TSPAN1: variants seen among roughly 807,000 people sequenced by gnomAD.
TSPAN1 encodes tetraspanin-1.
In TSPAN1, 23 loss-of-function variants were observed where a neutral mutation model predicts 26.9. The ratio of observed to expected loss-of-function variants is 0.85; its 90% CI spans 0.62 to 1.21. The LOEUF is 1.21. Among genes scored for constraint, TSPAN1 ranks in the 50% most tolerant of loss-of-function variants. The pLI is 0.00. For missense variants in TSPAN1, 283 were observed against 298.4 expected (o/e 0.95, Z 0.38); for synonymous variants, 115 against 114.8 (o/e 1.00, Z -0.01).
Position 46,185,283 on chromosome 1 carries a change from TGGC to T in TSPAN1, c.654_656del (p.Ala220del). ...ACTAATGCAGTCACCGTGGGTGGTG[TGGC>T]AGCTGGAATTGGGGGCCTCGAGGTA... On this transcript the variant is annotated inframe_deletion, in exon 8 of 9. Coordinates refer to ENST00000372003, the MANE Select transcript of TSPAN1 (RefSeq NM_005727.4). The T allele has an allele frequency of 1.2e-6, 2 of 1,614,100 alleles. No homozygotes were observed. Among genetic ancestry groups the T allele is most frequent in the Non-Finnish European group, 1.7e-6 (2 of 1,180,018 alleles).
At chr1:46,194,375 C>G in the TSPAN1 span, 1 of 1,614,220 alleles carries the variant, frequency 6.2e-7, no homozygotes, top group Non-Finnish European at 8.5e-7. Context: ...CGGTTCAGCT[C>G]TGTGTCTGCC....
At chr1:46,180,332 G>A (rs1172140084) in intron 1 of TSPAN1, among the ~76,000 whole-genome samples, 194 bp from the exon 2 acceptor site, 1 of 152,208 alleles carries the variant, frequency 6.6e-6, no homozygotes, top group East Asian at 1.9e-4. Flanking sequence ...CCCACCCCTG[G>A]GCTGCTTCTT....
intron 4 of TSPAN1, 74 bp from the exon 5 acceptor site, chr1:46,184,520 G>T: frequency 2.8e-6 from 4 of 1,424,156 alleles, no homozygotes; most frequent in Non-Finnish European, 2.9e-6. Context: ...TCACTTTTCC[G>T]GGGGGGGGAT....
At position 46,184,234 on chromosome 1, in the gene TSPAN1, T is replaced by C. The variant is rs1036440330; in HGVS notation, c.101T>C (p.Ile34Thr). Residue 34 changes from isoleucine to threonine, a missense_variant, in exon 4 of 9, where the codon ATC (isoleucine) becomes ACC (threonine). Coordinates refer to ENST00000372003, the MANE Select transcript of TSPAN1 (RefSeq NM_005727.4). ...ALLAVGIWVSIDGASFLKIFG... is the reference protein window; with the variant it reads ...ALLAVGIWVSTDGASFLKIFG... ...TTGGCAGTGGGCATCTGGGTGTCAA[T>C]CGATGGGGCATCCTTTCTGAAGATC... The C allele has an allele frequency of 1.9e-6, 3 of 1,614,046 alleles. No homozygotes were observed. Among genetic ancestry groups the C allele is most frequent in the East Asian group, 4.5e-5 (2 of 44,894 alleles).
chr1:46,176,283 C>T (rs1221560583), intron 1 of TSPAN1: 3 of 1,535,802 alleles, frequency 2.0e-6, no homozygotes, highest in Non-Finnish European at 1.7e-6. Context: ...TGTTGATACC[C>T]ATGGCCCTGG....
the TSPAN1 span, chr1:46,192,261 C>T: frequency 1.4e-3 from 2,298 of 1,614,128 alleles, 32 homozygotes; most frequent in African/African-American, 0.027. Context: ...TAAGATGTTT[C>T]GAGTTGGTAG....
At chr1:46,189,618 G>A, downstream of TSPAN1, 1 of 1,577,028 alleles carries the variant, frequency 6.3e-7, no homozygotes, top group Non-Finnish European at 8.6e-7. Context: ...GCTGTAGGGA[G>A]GGGTCACTGA....
the TSPAN1 span, chr1:46,195,887 G>C: frequency 3.7e-6 from 6 of 1,613,572 alleles, no homozygotes; most frequent in Admixed American, 1.7e-5. Flanking sequence ...CTCATGAGGT[G>C]AGTACGTGTC....
At chr1:46,194,068 CCA>C in the TSPAN1 span, 1 of 1,540,136 alleles carries the variant, frequency 6.5e-7, no homozygotes, top group Admixed American at 2.0e-5. Flanking sequence ...TCTGGGCTCT[CCA>C]CACACTCAGC....
At chr1:46,186,894 C>T (rs1657444612), downstream of TSPAN1, among the ~76,000 whole-genome samples, 1 of 151,940 alleles carries the variant, frequency 6.6e-6, no homozygotes, top group South Asian at 2.1e-4. Context: ...GATCTCCTGA[C>T]CTCGTGATCC....
At chr1:46,194,058 T>C in the TSPAN1 span, 1 of 1,544,808 alleles carries the variant, frequency 6.5e-7, no homozygotes, top group East Asian at 2.4e-5. Flanking sequence ...TCTTCCCTGT[T>C]CTGGGCTCTC....
chr1:46,191,232 G>A, the TSPAN1 span: 12 of 269,814 alleles, frequency 4.4e-5, no homozygotes, highest in South Asian at 1.7e-4. Flanking sequence ...TGGGGCTCGC[G>A]TATTAGTCAG....
downstream of TSPAN1, chr1:46,189,743 T>C: frequency 1.3e-6 from 2 of 1,567,040 alleles, no homozygotes; most frequent in Non-Finnish European, 8.7e-7. Context: ...TCTAAGAGTA[T>C]AAAGAGGAGG....
chr1:46,177,962 T>C (rs1657221607), intron 1 of TSPAN1, among the ~76,000 whole-genome samples: 1 of 152,226 alleles, frequency 6.6e-6, no homozygotes, highest in African/African-American at 2.4e-5. Flanking sequence ...CTCTCATTAT[T>C]CTGCACTCAT....
chr1:46,184,693 G>A, intron 5 of TSPAN1, 25 bp downstream of exon 5: 2 of 1,614,112 alleles, frequency 1.2e-6, no homozygotes, highest in Non-Finnish European at 1.7e-6. Context: ...TGGAGGAAGG[G>A]AAGAAGATTG....
chr1:46,190,616 G>A (rs1312793683), downstream of TSPAN1: 101 of 1,530,374 alleles, frequency 6.6e-5, no homozygotes, highest in Middle Eastern at 4.3e-4. Context: ...ATCTGTAGCC[G>A]CAGGGCTGGA....
At chr1:46,190,452 CCCAA>C (rs1173700375), downstream of TSPAN1, 1 of 1,569,694 alleles carries the variant, frequency 6.4e-7, no homozygotes, top group African/African-American at 1.4e-5. Flanking sequence ...CCTGCTACAC[CCCAA>C]TTGTCCTAGG....
At chr1:46,186,664 G>GTTTTTTT (rs759573351), downstream of TSPAN1, among the ~76,000 whole-genome samples, 1 of 71,830 alleles carries the variant, frequency 1.4e-5, no homozygotes, top group Non-Finnish European at 2.6e-5. Context: ...TAATTTTTGT[G>GTTTTTTT]TTTTTTTTTT....
chr1:46,184,616 T>G lies in TSPAN1; in HGVS notation c.287T>G (p.Ile96Ser), dbSNP rs766488393. The G allele has an allele frequency of 1.2e-6, 2 of 1,614,186 alleles. No individual in the cohort carries two copies. The highest frequency in any genetic ancestry group is 1.7e-6 in the Non-Finnish European group (2 of 1,180,036). ...LVTFFFILLL[I>S]FIAEVAAAVV... ...CAGTTCTTCTTCATCCTCCTCCTCA[T>G]CTTCATTGCTGAGGTTGCAGCTGCT... Residue 96 changes from isoleucine (I) to serine (S), a missense_variant, in exon 5 of 9, where the codon ATC becomes AGC. By Grantham distance (142) the Ile-to-Ser change is moderately radical. Coordinates refer to ENST00000372003, the MANE Select transcript of TSPAN1 (RefSeq NM_005727.4).
Sources: gnomAD v4.1 joint callset for allele counts (sites outside exome capture counted in the v4.1 genomes callset) on GRCh38, gnomAD v4.1.1 for gene constraint, MANE v1.5 for transcripts, NCBI Gene and HGNC (gene_info 2026-07-23, HGNC 2026-07-21) for gene names.